The following SMARCA2 variants were observed in gnomAD, a reference collection of about 807,000 sequenced individuals.
SMARCA2 encodes SWI/SNF-related matrix-associated actin-dependent regulator of chromatin subfamily A member 2.
In SMARCA2, 61 loss-of-function variants were observed where a neutral mutation model predicts 199.8. That is an observed-to-expected ratio of 0.31 (90% CI 0.25 to 0.38). The LOEUF (loss-of-function observed/expected upper bound fraction) is 0.38, where lower values mean the gene tolerates loss of function less well. Among genes scored for constraint, SMARCA2 ranks in the 10% least tolerant of loss-of-function variants. SMARCA2 has a pLI of 1.00. For missense variants in SMARCA2, 1,344 were observed against 2,012.2 expected, an observed-to-expected ratio of 0.67 and a Z score of 6.35; for synonymous variants, 935 against 732.0, an observed-to-expected ratio of 1.28 and a Z score of -4.48.
chr9:2,031,578 T>C lies in SMARCA2; in HGVS notation c.226-1374T>C, dbSNP rs184755891. Among the ~76,000 whole-genome samples, 61 of 152,392 alleles carry C rather than the reference T, an allele frequency of 4.0e-4. 1 individual carries two copies. The highest frequency in any genetic ancestry group is 1.4e-3 in the African/African-American group (60 of 41,602). ...TTTTCTCCTGGATTGTTTTTATTAATTGTTATCTCTTCTGATCCCTTCATT... is the reference window on the plus strand; with the variant it reads ...TTTTCTCCTGGATTGTTTTTATTAACTGTTATCTCTTCTGATCCCTTCATT... On this transcript the variant is annotated intron_variant, in intron 2 of 33. Coordinates refer to ENST00000349721, the MANE Select transcript of SMARCA2 (RefSeq NM_003070.5).
At position 2,054,758 on chromosome 9, in the gene SMARCA2, G is replaced by A. The variant is rs189148570; in HGVS notation, c.1173+35G>A. ...TTTCCCCAGTGAATCTGAGATGTAG[G>A]AAATAAATGTAATTGTTCCTAAAGT... On this transcript the variant is annotated intron_variant, in intron 6 of 33. Coordinates refer to ENST00000349721, the MANE Select transcript of SMARCA2 (RefSeq NM_003070.5). The A allele has an allele frequency of 4.3e-6, 7 of 1,609,554 alleles. No individual in the cohort carries two copies. The South Asian group carries it at 5.5e-5, about 13-fold the overall frequency.
chr9:2,192,633 G>T (rs1361662253), intron 33 of SMARCA2, 71 bp from the exon 34 acceptor site: 5 of 1,069,666 alleles, frequency 4.7e-6, no homozygotes, highest in Admixed American at 1.7e-5. Flanking sequence ...GCCTCTTGAT[G>T]GTTTGTTGTT....
intron 29 of SMARCA2, among the ~76,000 whole-genome samples, chr9:2,180,112 G>A (rs1284670964): frequency 4.6e-5 from 7 of 152,058 alleles, no homozygotes; most frequent in Admixed American, 3.9e-4. Flanking sequence ...TGGTTGAGAG[G>A]GTGAGAGAAC....
intron 25 of SMARCA2, among the ~76,000 whole-genome samples, chr9:2,117,221 A>T (rs1354647876): frequency 6.6e-6 from 1 of 152,092 alleles, no homozygotes; most frequent in East Asian, 1.9e-4. Flanking sequence ...TCTAAATGTG[A>T]AGTAAAGCTT....
At chr9:2,093,775 CA>C (rs1822159111) in intron 19 of SMARCA2, among the ~76,000 whole-genome samples, 2 of 152,042 alleles carry the variant, frequency 1.3e-5, no homozygotes, top group South Asian at 4.2e-4. Context: ...TGGAGTTGAC[CA>C]AAAATATTAG....
At chr9:2,172,821 C>A (rs938530606) in intron 29 of SMARCA2, among the ~76,000 whole-genome samples, 3 of 151,358 alleles carry the variant, frequency 2.0e-5, no homozygotes, top group Admixed American at 2.0e-4. Flanking sequence ...AGGGAGCCGA[C>A]ATCAGCCCTG....
rs537631853 is a variant in SMARCA2 at position 2,191,350 on chromosome 9, G to T, written c.4679G>T (p.Arg1560Leu). 3 of 1,614,176 alleles carry T rather than the reference G, an allele frequency of 1.9e-6. No individual in the cohort carries two copies. Among genetic ancestry groups the T allele is most frequent in the Non-Finnish European group, 2.5e-6 (3 of 1,180,022 alleles). The part of the protein sequence containing the change: ...DKGKGKKRPN[R>L]GKAKPVVSDF... ...GGGAAAGGCAAGAAAAGGCCAAATCGAGGAAAAGCCAAACCTGTAGTGAGC... is the reference window on the plus strand; with the variant it reads ...GGGAAAGGCAAGAAAAGGCCAAATCTAGGAAAAGCCAAACCTGTAGTGAGC... Residue 1560 changes from arginine to leucine, a missense_variant, in exon 33 of 34, where the codon CGA (arginine) becomes CTA (leucine). Transcript: ENST00000349721.
intron 3 of SMARCA2, among the ~76,000 whole-genome samples, chr9:2,034,242 C>CAAAA (rs759792374): frequency 9.4e-5 from 6 of 64,128 alleles, no homozygotes; most frequent in Middle Eastern, 9.6e-3. Flanking sequence ...GACTGCGTCT[C>CAAAA]AAAAAAAAAA....
chr9:2,170,229 C>G lies in SMARCA2; in HGVS notation c.4200-190C>G, dbSNP rs1826172718. Among the ~76,000 whole-genome samples the G allele has an allele frequency of 6.6e-6, 1 of 152,128 alleles. No individual in the cohort carries two copies. The highest frequency in any genetic ancestry group is 2.4e-5 in the African/African-American group (1 of 41,414). On this transcript the variant is annotated intron_variant, in intron 28 of 33. Coordinates refer to ENST00000349721, the MANE Select transcript of SMARCA2 (RefSeq NM_003070.5). The surrounding 1 kb of genome is among the most constrained non-coding windows in gnomAD (Gnocchi z 4.7). ...AGAAAGGTTAGGAAATCCACTTCCC[C>G]CACCATTTTTAGAGAACTATGTTAT... is the stretch of plus-strand genomic sequence containing the variant.
At position 2,056,932 on chromosome 9, in the gene SMARCA2, G is replaced by T; in HGVS notation, c.1347+87G>T. The T allele has an allele frequency of 1.6e-6, 2 of 1,216,778 alleles. No individual in the cohort carries two copies. The highest frequency in any genetic ancestry group is 1.2e-6 in the Non-Finnish European group (1 of 863,832). 75.4% of individuals were successfully genotyped at this position (1,216,778 alleles called of 1,614,324 possible). A position where few individuals can be genotyped will look rare whatever the true frequency, so the allele number is the denominator to read the frequency against. On this transcript the variant is annotated intron_variant, in intron 7 of 33. Coordinates refer to ENST00000349721, the MANE Select transcript of SMARCA2 (RefSeq NM_003070.5). The surrounding 1 kb of genome is among the most constrained non-coding windows in gnomAD (Gnocchi z 4.0). ...AATGGGGTCAGAATGACTGAAAAAT[G>T]GACCCTTGTGGGTGGTGGGGACATC...
intron 29 of SMARCA2, among the ~76,000 whole-genome samples, chr9:2,178,997 A>C (rs188559093): frequency 2.0e-5 from 3 of 152,350 alleles, no homozygotes; most frequent in Admixed American, 6.5e-5. Context: ...GAGTAAGTGT[A>C]GTTGATATTT....
chr9:2,187,908 G>C (rs2129963934), intron 32 of SMARCA2, among the ~76,000 whole-genome samples: 1 of 151,878 alleles, frequency 6.6e-6, no homozygotes, highest in South Asian at 2.1e-4. Context: ...TTCATAATAA[G>C]TACAAAAATC....
At chr9:2,133,433 C>T (rs1055803400) in intron 27 of SMARCA2, among the ~76,000 whole-genome samples, 8 of 151,946 alleles carry the variant, frequency 5.3e-5, no homozygotes, top group Non-Finnish European at 8.8e-5. Flanking sequence ...GGGTACGCAC[C>T]GCCACACCCA....
chr9:2,050,698 C>G (rs2130311867), intron 5 of SMARCA2, among the ~76,000 whole-genome samples: 1 of 151,770 alleles, frequency 6.6e-6, no homozygotes, highest in Admixed American at 6.6e-5. Context: ...TTACCAGTAG[C>G]TGCTTTACCA....
intron 24 of SMARCA2, among the ~76,000 whole-genome samples, chr9:2,113,510 C>A (rs937973218): frequency 2.0e-5 from 3 of 152,172 alleles, no homozygotes; most frequent in South Asian, 4.1e-4. Context: ...GTAATCCATC[C>A]AATAATTACA....
intron 29 of SMARCA2, among the ~76,000 whole-genome samples, chr9:2,179,917 AG>A (rs1188800352): frequency 6.6e-6 from 1 of 152,238 alleles, no homozygotes; most frequent in Non-Finnish European, 1.5e-5. Flanking sequence ...TGCATTTCAT[AG>A]GCACCTTTTC....
At chr9:2,084,400 G>GTA (rs1375398786) in intron 17 of SMARCA2, among the ~76,000 whole-genome samples, 1 of 151,358 alleles carries the variant, frequency 6.6e-6, no homozygotes, top group Non-Finnish European at 1.5e-5. Flanking sequence ...GTGTGTGTGT[G>GTA]TGTGTGTGTG....
At chr9:2,150,964 C>G (rs1222336704) in intron 27 of SMARCA2, among the ~76,000 whole-genome samples, 1 of 151,572 alleles carries the variant, frequency 6.6e-6, no homozygotes, top group East Asian at 1.9e-4. Context: ...AAAGCCCTAT[C>G]TCAAAATACA....
chr9:2,075,688 G>A (rs946874206), intron 12 of SMARCA2, among the ~76,000 whole-genome samples: 9 of 152,094 alleles, frequency 5.9e-5, no homozygotes, highest in Non-Finnish European at 1.2e-4. Context: ...ACAGAGTTTC[G>A]CTCTTGTTGT....
Sources: allele counts gnomAD v4.1 joint callset (sites outside exome capture counted in the v4.1 genomes callset), GRCh38; gene constraint gnomAD v4.1.1; non-coding constraint Gnocchi (gnomAD v3.1); transcripts MANE v1.5; gene names NCBI Gene and HGNC (gene_info 2026-07-23, HGNC 2026-07-21).